Variants in SELENOF observed in about 807,000 individuals in gnomAD.
The protein encoded by SELENOF is selenoprotein F.
Under a neutral mutation model 20.5 loss-of-function variants are expected in SELENOF, and 16 were observed. That is an observed-to-expected ratio of 0.78 (90% CI 0.53 to 1.19). The LOEUF is 1.19. Ranked by LOEUF, SELENOF falls within the 50% of genes most tolerant of loss-of-function variation. The pLI is 0.00. For synonymous variants in SELENOF, 78 were observed against 74.5 expected, an observed-to-expected ratio of 1.05 and a Z score of -0.24; for missense variants, 215 against 194.2, an observed-to-expected ratio of 1.11 and a Z score of -0.64.
chr1:86,899,985 C>T (rs866213135), intron 2 of SELENOF, among the ~76,000 whole-genome samples: 3 of 148,314 alleles, frequency 2.0e-5, no homozygotes, highest in Non-Finnish European at 4.5e-5. Context: ...ACATCTCAGA[C>T]GATGGGCGGC....
intron 2 of SELENOF, among the ~76,000 whole-genome samples, chr1:86,897,028 G>A (rs968580019): frequency 9.9e-5 from 15 of 152,136 alleles, no homozygotes; most frequent in Non-Finnish European, 1.3e-4. Context: ...AGAGCAGGCC[G>A]GGCACGGTGG....
intron 4 of SELENOF, among the ~76,000 whole-genome samples, chr1:86,867,365 C>G (rs1200579615): frequency 6.6e-6 from 1 of 151,934 alleles, no homozygotes; most frequent in African/African-American, 2.4e-5. Flanking sequence ...TGGTGGCGTG[C>G]TCCTGTAATA....
chr1:86,868,882 T>A (rs1243785903), intron 3 of SELENOF, among the ~76,000 whole-genome samples: 1 of 151,996 alleles, frequency 6.6e-6, no homozygotes, highest in Admixed American at 6.6e-5. Flanking sequence ...ATAAAAATGA[T>A]AAACTGAAGA....
chr1:86,865,611 CA>C (rs1294859964), intron 4 of SELENOF, among the ~76,000 whole-genome samples: 2 of 152,096 alleles, frequency 1.3e-5, no homozygotes, highest in East Asian at 3.9e-4. Flanking sequence ...TACCAAAAAA[CA>C]GAAAATAACA....
chr1:86,878,116 GA>G (rs906150720), intron 3 of SELENOF, among the ~76,000 whole-genome samples: 2 of 151,626 alleles, frequency 1.3e-5, no homozygotes, highest in African/African-American at 4.8e-5. Flanking sequence ...CTAGAATAAG[GA>G]AAAAAAGGTA....
intron 3 of SELENOF, among the ~76,000 whole-genome samples, chr1:86,871,301 G>C (rs1194402057): frequency 6.6e-6 from 1 of 152,114 alleles, no homozygotes; most frequent in Non-Finnish European, 1.5e-5. Flanking sequence ...TTGACAATAA[G>C]TACTCTAAGT....
chr1:86,882,268 A>AG (rs1464516498), intron 2 of SELENOF, among the ~76,000 whole-genome samples: 2 of 143,794 alleles, frequency 1.4e-5, no homozygotes, highest in Non-Finnish European at 3.0e-5. Context: ...AAAAAAAAAA[A>AG]AAAGAAAGAA....
chr1:86,870,491 A>C (rs751744715), intron 3 of SELENOF, among the ~76,000 whole-genome samples: 1 of 152,222 alleles, frequency 6.6e-6, no homozygotes, highest in South Asian at 2.1e-4. Flanking sequence ...ACTATGTAAC[A>C]CGCAGTAACT....
At chr1:86,890,421 A>C (rs552687023) in intron 2 of SELENOF, among the ~76,000 whole-genome samples, 1 of 152,338 alleles carries the variant, frequency 6.6e-6, no homozygotes, top group Admixed American at 6.5e-5. Flanking sequence ...ATAATAAAAA[A>C]AGTATAAAAG....
intron 2 of SELENOF, among the ~76,000 whole-genome samples, chr1:86,889,696 T>C (rs995391791): frequency 9.2e-5 from 14 of 152,228 alleles, no homozygotes; most frequent in South Asian, 4.1e-4. Flanking sequence ...CCATCCATTA[T>C]TGCCTTAATG....
At chr1:86,869,075 T>C (rs1658686407) in intron 3 of SELENOF, among the ~76,000 whole-genome samples, 1 of 152,126 alleles carries the variant, frequency 6.6e-6, no homozygotes, top group African/African-American at 2.4e-5. Context: ...TTACAAAGAT[T>C]ACAAAGAATA....
intron 2 of SELENOF, among the ~76,000 whole-genome samples, chr1:86,884,828 C>A (rs1025880642): frequency 2.0e-5 from 3 of 152,276 alleles, no homozygotes; most frequent in Admixed American, 2.0e-4. Flanking sequence ...CTAACTCTAG[C>A]CCATTATTGT....
At chr1:86,901,441 T>C (rs560585033) in intron 2 of SELENOF, among the ~76,000 whole-genome samples, 1 of 151,024 alleles carries the variant, frequency 6.6e-6, no homozygotes, top group African/African-American at 2.4e-5. Flanking sequence ...AAAAAAAAAA[T>C]TCACCAGTTT....
At chr1:86,893,686 G>A (rs1248209554) in intron 2 of SELENOF, among the ~76,000 whole-genome samples, 1 of 152,112 alleles carries the variant, frequency 6.6e-6, no homozygotes, top group East Asian at 1.9e-4. Context: ...TATAAAAAGA[G>A]AGAAAGAGGT....
At chr1:86,871,750 A>C (rs995684108) in intron 3 of SELENOF, among the ~76,000 whole-genome samples, 4 of 152,238 alleles carry the variant, frequency 2.6e-5, no homozygotes, top group African/African-American at 9.6e-5. Context: ...ACAAATTATA[A>C]GCAAAATAAC....
chr1:86,864,531 T>C (rs755786096), intron 4 of SELENOF, among the ~76,000 whole-genome samples: 45 of 152,230 alleles, frequency 3.0e-4, no homozygotes, highest in Non-Finnish European at 5.9e-4. Flanking sequence ...TCAGATGTGA[T>C]TATTAACACT....
chr1:86,869,768 T>A (rs1353922548), intron 3 of SELENOF, among the ~76,000 whole-genome samples: 1 of 151,952 alleles, frequency 6.6e-6, no homozygotes, highest in Non-Finnish European at 1.5e-5. Context: ...TTTCTTTTTT[T>A]GAGACGGGGT....
intron 2 of SELENOF, among the ~76,000 whole-genome samples, chr1:86,895,265 T>C (rs1659492269): frequency 6.6e-6 from 1 of 152,242 alleles, no homozygotes; most frequent in Non-Finnish European, 1.5e-5. Context: ...CATATCTATT[T>C]TCTTTTACCC....
chr1:86,867,228 T>A (rs149569905), intron 4 of SELENOF, among the ~76,000 whole-genome samples: 2 of 152,188 alleles, frequency 1.3e-5, no homozygotes, highest in East Asian at 3.9e-4. Context: ...GGCTCACACC[T>A]GTAATATTAC....
Sources: allele counts gnomAD v4.1 joint callset (sites outside exome capture counted in the v4.1 genomes callset), GRCh38; gene constraint gnomAD v4.1.1; transcripts MANE v1.5; gene names NCBI Gene and HGNC (gene_info 2026-07-23, HGNC 2026-07-21).